Variants in MYO1B observed in about 807,000 individuals in gnomAD.
MYO1B encodes the protein unconventional myosin-Ib.
In MYO1B, 72 loss-of-function variants were observed where a neutral mutation model predicts 159.7. That is an observed-to-expected ratio of 0.45 (90% CI 0.37 to 0.55). MYO1B has a LOEUF of 0.55. MYO1B is among the 20% of genes least tolerant of loss of function. MYO1B has a pLI of 0.00. For missense variants in MYO1B, 1,062 were observed against 1,364.8 expected (o/e 0.78, Z 3.50); for synonymous variants, 468 against 473.8 (o/e 0.99, Z 0.16).
intron 3 of MYO1B, among the ~76,000 whole-genome samples, chr2:191,310,359 C>T (rs559089625): frequency 3.9e-5 from 6 of 152,242 alleles, no homozygotes; most frequent in Non-Finnish European, 7.4e-5. Flanking sequence ...TGTGCCACCA[C>T]GCCTGGCTAA....
intron 2 of MYO1B, 146 bp from the exon 3 acceptor site, chr2:191,295,965 A>G: frequency 2.7e-6 from 1 of 374,644 alleles, no homozygotes; most frequent in Non-Finnish European, 4.8e-6. Context: ...CAGAGATGCA[A>G]AGCATTCTTA....
At chr2:191,375,875 C>T (rs1483531275) in intron 13 of MYO1B, among the ~76,000 whole-genome samples, 1 of 151,688 alleles carries the variant, frequency 6.6e-6, no homozygotes, top group African/African-American at 2.4e-5. Context: ...AGGAGAATCA[C>T]TTGAACCCGG....
At chr2:191,344,864 C>T (rs1296135730) in intron 5 of MYO1B, among the ~76,000 whole-genome samples, 11 of 140,732 alleles carry the variant, frequency 7.8e-5, no homozygotes, top group Admixed American at 3.5e-4. Flanking sequence ...ATCAAAAACA[C>T]GAAAAAGCCA....
intron 26 of MYO1B, 130 bp downstream of exon 26, chr2:191,409,308 A>G (rs1275017075): frequency 2.9e-6 from 3 of 1,029,872 alleles, no homozygotes; most frequent in Non-Finnish European, 4.2e-6. Flanking sequence ...GACTTTGGTG[A>G]TTTTCCCCCA....
At chr2:191,284,703 G>A (rs1688261618) in intron 2 of MYO1B, among the ~76,000 whole-genome samples, 1 of 152,154 alleles carries the variant, frequency 6.6e-6, no homozygotes, top group Non-Finnish European at 1.5e-5. Context: ...CACCATCTTG[G>A]TTCATTACAA....
Position 191,424,824 on chromosome 2 carries a change from T to A in MYO1B, c.*864T>A, listed in dbSNP as rs1454045186. On this transcript the variant is annotated 3_prime_UTR_variant, in exon 31 of 31. Coordinates refer to ENST00000392318, the MANE Select transcript of MYO1B (RefSeq NM_001130158.3). ...TTGTTTTCACCCAAATTTGAGTAGA[T>A]ATTTTAAACACCTAACAAAGTAAAG... 6.6e-6 allele frequency: 1 copy of A among 152,620 alleles called. No homozygotes were observed. 9.5% of individuals were successfully genotyped at this position (152,620 alleles called of 1,614,324 possible).
chr2:191,296,102 CT>C lies in MYO1B; in HGVS notation c.136-5del. The C allele has an allele frequency of 6.5e-7, 1 of 1,530,476 alleles. No individual in the cohort carries two copies. Among genetic ancestry groups the C allele is most frequent in the Non-Finnish European group, 9.0e-7 (1 of 1,114,976 alleles). The allele number at this position is 1,530,476 out of a possible 1,614,324, so 94.8% of individuals were successfully genotyped here. On this transcript the variant is annotated splice_region_variant and splice_polypyrimidine_tract_variant and intron_variant, in intron 2 of 30. Coordinates refer to ENST00000392318, the MANE Select transcript of MYO1B (RefSeq NM_001130158.3). ...AACTAATGGGCATGTTTTGTTCTTT[CT>C]TTTGCAGACATACATTGGAAGTGTG...
intron 9 of MYO1B, among the ~76,000 whole-genome samples, chr2:191,363,265 C>T (rs772834130): frequency 3.3e-5 from 5 of 152,088 alleles, no homozygotes; most frequent in Admixed American, 1.3e-4. Flanking sequence ...ATTGGCACTC[C>T]GTAAAAATTT....
At chr2:191,389,385 T>G (rs978337866) in intron 17 of MYO1B, among the ~76,000 whole-genome samples, 5 of 152,228 alleles carry the variant, frequency 3.3e-5, no homozygotes, top group Admixed American at 3.3e-4. Flanking sequence ...GTTTATTTCT[T>G]AAGTAACTTC....
chr2:191,386,974 T>A (rs1695435039), intron 16 of MYO1B, among the ~76,000 whole-genome samples: 1 of 152,218 alleles, frequency 6.6e-6, no homozygotes, highest in Non-Finnish European at 1.5e-5. Flanking sequence ...AATGTTATGA[T>A]AACATTTTTG....
chr2:191,280,273 G>A (rs1040141428), intron 2 of MYO1B, among the ~76,000 whole-genome samples: 6 of 152,224 alleles, frequency 3.9e-5, no homozygotes, highest in Admixed American at 3.9e-4. Flanking sequence ...GAAATGTCAG[G>A]TAGTGTTAGA....
chr2:191,379,941 G>C (rs1185064916), intron 13 of MYO1B, among the ~76,000 whole-genome samples: 1 of 152,128 alleles, frequency 6.6e-6, no homozygotes, highest in African/African-American at 2.4e-5. Context: ...TGAAAATGAG[G>C]ACTGAGGAGT....
chr2:191,298,515 A>G (rs1388747643), intron 3 of MYO1B, among the ~76,000 whole-genome samples: 8 of 152,176 alleles, frequency 5.3e-5, no homozygotes, highest in Admixed American at 4.6e-4. Flanking sequence ...CTTACTTCTC[A>G]TAAGCCAGGA....
chr2:191,386,010 A>C lies in MYO1B; in HGVS notation c.1480A>C (p.Ser494Arg). ...CCACCAGCATTTTGAGAGCAGGATG[A>C]GCAAGTGCTCTCGGTTCCTCAATGA... ...ATHQHFESRM[S>R]KCSRFLNDTS... The change falls in exon 16 of 31, where the codon AGC becomes CGC. Residue 494 changes from serine (S) to arginine (R), a missense_variant. Physicochemically the swap from Ser to Arg is moderately radical, Grantham distance 110 (BLOSUM62 -1). Coordinates refer to ENST00000392318, the MANE Select transcript of MYO1B (RefSeq NM_001130158.3). 1 of 1,614,168 alleles carries C rather than the reference A, an allele frequency of 6.2e-7. No individual in the cohort carries two copies. The highest frequency in any genetic ancestry group is 8.5e-7 in the Non-Finnish European group (1 of 1,180,006).
chr2:191,290,868 A>G (rs1688649426), intron 2 of MYO1B, among the ~76,000 whole-genome samples: 1 of 152,136 alleles, frequency 6.6e-6, no homozygotes, highest in Non-Finnish European at 1.5e-5. Context: ...TTTAAAGGGG[A>G]AGGTGAAATA....
At chr2:191,282,557 T>C (rs1688125412) in intron 2 of MYO1B, among the ~76,000 whole-genome samples, 1 of 152,212 alleles carries the variant, frequency 6.6e-6, no homozygotes, top group African/African-American at 2.4e-5. Context: ...GCCAGACATA[T>C]CATAAAAATG....
At chr2:191,253,321 T>C (rs1823913) in intron 1 of MYO1B, among the ~76,000 whole-genome samples, 82,336 of 152,060 alleles carry the variant, frequency 0.54, 25,836 homozygotes, top group Non-Finnish European at 0.68. Flanking sequence ...GTCACTTCAC[T>C]GTAGCTTTTT....
In MYO1B at chr2:191,245,510, A is replaced by G. The variant is rs1685724424; in HGVS notation, c.-126A>G. ...CCGGCAGCCGCGGGACAGCCTTGGC[A>G]GAACAGCCGCGGCGGGAGCCCCGCA... is the stretch of plus-strand genomic sequence containing the variant. On this transcript the variant is annotated 5_prime_UTR_variant, in exon 1 of 31. Coordinates refer to ENST00000392318, the MANE Select transcript of MYO1B (RefSeq NM_001130158.3). 1 of 152,078 alleles carries G rather than the reference A, an allele frequency of 6.6e-6. No homozygotes were observed. 9.4% of individuals were successfully genotyped at this position (152,078 alleles called of 1,614,324 possible). A position where few individuals can be genotyped will look rare whatever the true frequency, so the allele number is the denominator to read the frequency against.
chr2:191,306,978 T>A (rs1428706838), intron 3 of MYO1B, among the ~76,000 whole-genome samples: 1 of 152,050 alleles, frequency 6.6e-6, no homozygotes, highest in East Asian at 1.9e-4. Context: ...TGGAAAGGGG[T>A]CCCCCAAGAG....
Sources: allele counts gnomAD v4.1 joint callset (sites outside exome capture counted in the v4.1 genomes callset), GRCh38; gene constraint gnomAD v4.1.1; transcripts MANE v1.5; gene names NCBI Gene and HGNC (gene_info 2026-07-23, HGNC 2026-07-21).